The following BBOF1 variants were observed in gnomAD, a reference collection of about 807,000 sequenced individuals.
BBOF1 encodes the protein basal body orientation factor 1.
In BBOF1, 62 loss-of-function variants were observed where a neutral mutation model predicts 68.0. The observed-to-expected ratio is 0.91, with a 90% confidence interval of 0.74 to 1.13. The LOEUF (loss-of-function observed/expected upper bound fraction) is 1.13, where lower values mean the gene tolerates loss of function less well. Among genes scored for constraint, BBOF1 ranks in the 50% most tolerant of loss-of-function variants. BBOF1 has a pLI of 0.00. For synonymous variants in BBOF1, 208 were observed against 198.8 expected, an observed-to-expected ratio of 1.05 and a Z score of -0.39; for missense variants, 534 against 600.1, an observed-to-expected ratio of 0.89 and a Z score of 1.15.
chr14:74,081,731 C>G (rs898352922), intron 12 of BBOF1, among the ~76,000 whole-genome samples: 11 of 152,154 alleles, frequency 7.2e-5, no homozygotes, highest in Non-Finnish European at 1.6e-4. Flanking sequence ...CCCAGATACT[C>G]CTATTGTTTA....
intron 11 of BBOF1, chr14:74,057,615 A>G (rs770179459): frequency 1.2e-5 from 16 of 1,338,090 alleles, no homozygotes; most frequent in Non-Finnish European, 1.5e-5. Flanking sequence ...TACAACCTAG[A>G]GGACAAAGGC....
chr14:74,074,288 ATT>A (rs35478388), intron 9 of BBOF1, among the ~76,000 whole-genome samples: 1,446 of 130,148 alleles, frequency 0.011, 12 homozygotes, highest in Middle Eastern at 0.04. Context: ...CTTTCACTAA[ATT>A]TTTTTTTTTT....
chr14:74,075,055 G>C (rs527705217), intron 9 of BBOF1: 1 of 1,597,730 alleles, frequency 6.3e-7, no homozygotes, highest in African/African-American at 1.3e-5. Flanking sequence ...ATAAATGAGA[G>C]CAGAAAGTTA....
intron 4 of BBOF1, among the ~76,000 whole-genome samples, chr14:74,038,410 T>C (rs2059758204): frequency 2.0e-5 from 3 of 152,208 alleles, no homozygotes; most frequent in Admixed American, 2.0e-4. Context: ...TGTTGTAATT[T>C]TTTTAAAGAA....
chr14:74,075,847 G>A (rs2060607239), intron 9 of BBOF1, among the ~76,000 whole-genome samples: 1 of 152,092 alleles, frequency 6.6e-6, no homozygotes, highest in East Asian at 1.9e-4. Context: ...CATTGGATGG[G>A]TGAATAAGGA....
chr14:74,075,165 A>C, intron 9 of BBOF1: 1 of 699,512 alleles, frequency 1.4e-6, no homozygotes, highest in Non-Finnish European at 2.5e-6. Context: ...AAAAGATATG[A>C]ATCTATGACA....
chr14:74,064,431 A>G (rs2060425025), intron 11 of BBOF1, among the ~76,000 whole-genome samples: 1 of 152,138 alleles, frequency 6.6e-6, no homozygotes, highest in Admixed American at 6.6e-5. Context: ...GGGTCACACT[A>G]CCCAGCACTG....
At chr14:74,041,115 C>T (rs1396368015) in intron 5 of BBOF1, among the ~76,000 whole-genome samples, 1 of 152,050 alleles carries the variant, frequency 6.6e-6, no homozygotes, top group Admixed American at 6.6e-5. Flanking sequence ...GTCAGGAGTT[C>T]GAGACCAGCC....
intron 3 of BBOF1, chr14:74,031,698 A>G (rs1391294733): frequency 2.0e-5 from 3 of 151,908 alleles, no homozygotes; most frequent in African/African-American, 7.3e-5. Flanking sequence ...TTCTTCACCA[A>G]TCCCATCATG....
chr14:74,071,731 C>A, intron 9 of BBOF1: 3 of 1,451,034 alleles, frequency 2.1e-6, no homozygotes, highest in Non-Finnish European at 1.9e-6. Context: ...TAAAGTAAAT[C>A]AGTCTTAGGG....
intron 2 of BBOF1, among the ~76,000 whole-genome samples, 154 bp from the exon 3 acceptor site, chr14:74,029,030 G>A (rs1278717480): frequency 6.6e-6 from 1 of 152,038 alleles, no homozygotes; most frequent in Non-Finnish European, 1.5e-5. Flanking sequence ...GCAGGTTGAA[G>A]GTATGGGAAA....
At chr14:74,073,411 A>T in intron 9 of BBOF1, among the ~76,000 whole-genome samples, 1 of 142,718 alleles carries the variant, frequency 7.0e-6, no homozygotes, top group South Asian at 2.2e-4. Flanking sequence ...AGACTATAGT[A>T]TATATTAAGA....
At chr14:74,082,274 T>C (rs924359086) in intron 12 of BBOF1, among the ~76,000 whole-genome samples, 1 of 152,142 alleles carries the variant, frequency 6.6e-6, no homozygotes, top group East Asian at 1.9e-4. Context: ...AGGTTAAGTT[T>C]GACTACTCTT....
chr14:74,030,504 C>CA (rs1555371102), intron 3 of BBOF1, among the ~76,000 whole-genome samples: 9 of 148,272 alleles, frequency 6.1e-5, no homozygotes, highest in Non-Finnish European at 1.2e-4. Flanking sequence ...AGAAATCCAA[C>CA]TTTTTTTTTT....
intron 2 of BBOF1, 82 bp from the exon 3 acceptor site, chr14:74,029,102 T>G: frequency 1.2e-6 from 1 of 822,706 alleles, no homozygotes; most frequent in African/African-American, 1.7e-5. Context: ...GTTTTAGTAT[T>G]GTGTGAAACT....
In BBOF1 at chr14:74,022,908, C is replaced by T. The variant is rs1360846846; in HGVS notation, c.57-8C>T. 1 of 1,551,958 alleles carries T rather than the reference C, an allele frequency of 6.4e-7. No individual in the cohort carries two copies. The highest frequency in any genetic ancestry group is 1.7e-5 in the Admixed American group (1 of 57,388). The stretch of plus-strand genomic sequence containing the variant: ...GTCATATACTGTCAATATCCTCTTC[C>T]CATGCAGGAAGTTAATAAAAACAGA... On this transcript the variant is annotated splice_polypyrimidine_tract_variant and splice_region_variant and intron_variant, in intron 1 of 11. Coordinates refer to ENST00000394009, the MANE Select transcript of BBOF1 (RefSeq NM_025057.3).
intron 9 of BBOF1, among the ~76,000 whole-genome samples, chr14:74,056,684 A>G (rs1052847126): frequency 1.3e-5 from 2 of 152,174 alleles, no homozygotes; most frequent in Non-Finnish European, 2.9e-5. Flanking sequence ...ATTGTAACAC[A>G]AGGGATAAAT....
chr14:74,040,124 C>A (rs2141032131), intron 4 of BBOF1, among the ~76,000 whole-genome samples: 1 of 152,128 alleles, frequency 6.6e-6, no homozygotes, highest in East Asian at 1.9e-4. Flanking sequence ...TCTGGAGTAG[C>A]TGGAACTACA....
At chr14:74,044,654 G>A (rs1178758652) in intron 5 of BBOF1, among the ~76,000 whole-genome samples, 1 of 152,008 alleles carries the variant, frequency 6.6e-6, no homozygotes, top group South Asian at 2.1e-4. Context: ...GGCCAGGCGC[G>A]GTGGTTCATG....
Sources: gnomAD v4.1 joint callset for allele counts (sites outside exome capture counted in the v4.1 genomes callset) on GRCh38, gnomAD v4.1.1 for gene constraint, MANE v1.5 for transcripts, NCBI Gene and HGNC (gene_info 2026-07-23, HGNC 2026-07-21) for gene names.